Variants in ZSCAN1 observed in about 807,000 individuals in gnomAD.
ZSCAN1 encodes the protein zinc finger and SCAN domain containing 1, also known as zinc finger and SCAN domain-containing protein 1.
A neutral mutation model predicts 23.8 loss-of-function variants in ZSCAN1; 23 were observed. That is an observed-to-expected ratio of 0.97 (90% CI 0.70 to 1.37). ZSCAN1 has a LOEUF of 1.37. Among genes scored for constraint, ZSCAN1 ranks in the 40% most tolerant of loss-of-function variants. ZSCAN1 has a pLI of 0.00. For synonymous variants in ZSCAN1, 236 were observed against 232.3 expected (o/e 1.02, Z -0.15); for missense variants, 575 against 554.0 (o/e 1.04, Z -0.38).
intron 1 of ZSCAN1, among the ~76,000 whole-genome samples, chr19:58,034,551 C>G (rs571998469): frequency 1.2e-4 from 18 of 152,076 alleles, no homozygotes; most frequent in African/African-American, 4.1e-4. Flanking sequence ...CCTTCCACAC[C>G]TGATCAGCAT....
intron 5 of ZSCAN1, 84 bp downstream of exon 5, chr19:58,052,712 G>C (rs2073865854): frequency 1.3e-6 from 2 of 1,502,590 alleles, no homozygotes; most frequent in African/African-American, 1.4e-5. Flanking sequence ...TTAATGGGTT[G>C]AGTTGGGTGC....
At chr19:58,052,114 C>A (rs886662574) in intron 4 of ZSCAN1, among the ~76,000 whole-genome samples, 1 of 152,248 alleles carries the variant, frequency 6.6e-6, no homozygotes, top group African/African-American at 2.4e-5. Context: ...GCACAGGTCC[C>A]CTGGCTCCAT....
In ZSCAN1 at chr19:58,054,548, G is replaced by C. The variant is rs566008094; in HGVS notation, c.*497G>C. Reference sequence around the variant, plus strand: ...CCTTGGAACCTAACAGATAAACAGGGTTTTGTTTTTTTCCTTTTTTGGGTA... The same window carrying C: ...CCTTGGAACCTAACAGATAAACAGGCTTTTGTTTTTTTCCTTTTTTGGGTA... On this transcript the variant is annotated 3_prime_UTR_variant, in exon 6 of 6. Transcript: ENST00000282326. The surrounding 1 kb of genome is among the most constrained non-coding windows in gnomAD (Gnocchi z 4.2). 6.5e-6 allele frequency: 1 copy of C among 154,588 alleles called. No homozygotes were observed. Among genetic ancestry groups the C allele is most frequent in the Non-Finnish European group, 1.4e-5 (1 of 69,788 alleles). The allele number at this position is 154,588 out of a possible 1,614,324, so 9.6% of individuals were successfully genotyped here.
Position 58,037,745 on chromosome 19 carries a change from C to A in ZSCAN1, c.-92C>A, listed in dbSNP as rs982173237. 2.8e-6 allele frequency: 4 copies of A among 1,412,900 alleles called. No homozygotes were observed. In the African/African-American group the frequency reaches 5.8e-5, roughly 20 times the overall value. 87.5% of individuals were successfully genotyped at this position (1,412,900 alleles called of 1,614,324 possible). A position where few individuals can be genotyped will look rare whatever the true frequency, so the allele number is the denominator to read the frequency against. ...CTCTGCAGGCCCCTGATTGCTGATT[C>A]TGTCCGCCTGCCACACCGGCTCTGT... On this transcript the variant is annotated 5_prime_UTR_variant, in exon 3 of 6. In the 5' UTR this introduces an upstream ATG that the reference lacks. Transcript: ENST00000282326.
At chr19:58,034,801 C>T (rs557506553) in intron 1 of ZSCAN1, among the ~76,000 whole-genome samples, 96 of 148,816 alleles carry the variant, frequency 6.5e-4, no homozygotes, top group African/African-American at 2.3e-3. Context: ...GCTGCCCCTC[C>T]CCTGTATTCC....
At chr19:58,048,441 T>C (rs1410219676) in intron 4 of ZSCAN1, among the ~76,000 whole-genome samples, 1 of 152,156 alleles carries the variant, frequency 6.6e-6, no homozygotes, top group Non-Finnish European at 1.5e-5. Flanking sequence ...AGCCCAGGAG[T>C]TGGAGACCAG....
rs1568601078 is a variant in ZSCAN1 at position 58,037,815 on chromosome 19, GA to G, written c.-21del. ...GGATCCAGTCCACACACACCCCTCA[GA>G]GGGGCACTGTGGCCAGAGAAATGCT... On this transcript the variant is annotated 5_prime_UTR_variant, in exon 3 of 6. Coordinates refer to ENST00000282326, the MANE Select transcript of ZSCAN1 (RefSeq NM_182572.4). 1 of 1,459,172 alleles carries G rather than the reference GA, an allele frequency of 6.9e-7. No homozygotes were observed. Among genetic ancestry groups the G allele is most frequent in the East Asian group, 2.5e-5 (1 of 40,378 alleles). The allele number at this position is 1,459,172 out of a possible 1,614,324, so 90.4% of individuals were successfully genotyped here. A position where few individuals can be genotyped will look rare whatever the true frequency, so the allele number is the denominator to read the frequency against.
chr19:58,056,436 G>T (rs1458383558), downstream of ZSCAN1, among the ~76,000 whole-genome samples: 1 of 152,240 alleles, frequency 6.6e-6, no homozygotes, highest in Non-Finnish European at 1.5e-5. Flanking sequence ...GAAGGGATGA[G>T]TGACTCAATG....
intron 4 of ZSCAN1, among the ~76,000 whole-genome samples, chr19:58,043,634 G>A (rs1353590465): frequency 6.6e-6 from 1 of 150,420 alleles, no homozygotes; most frequent in Non-Finnish European, 1.5e-5. Flanking sequence ...TTATCTTACT[G>A]TAAGTTTTTG....
intron 4 of ZSCAN1, among the ~76,000 whole-genome samples, chr19:58,043,368 G>T (rs1265885006): frequency 6.6e-6 from 1 of 152,200 alleles, no homozygotes; most frequent in African/African-American, 2.4e-5. Context: ...GAATACTGTG[G>T]GCAACGGTAA....
In ZSCAN1 at chr19:58,053,513, C is replaced by T. The variant is rs1159206334; in HGVS notation, c.689C>T (p.Ala230Val). 5.0e-6 allele frequency: 8 copies of T among 1,614,136 alleles called. No homozygotes were observed. Among genetic ancestry groups the T allele is most frequent in the Non-Finnish European group, 6.8e-6 (8 of 1,180,036 alleles). ...GCAGGGCCCTCCTCAGACCTGCGGG[C>T]AGAAGGGACTGTGATCTCGAGCCCC... ...LLAGPSSDLR[A>V]EGTVISSPKG... Residue 230 changes from alanine to valine, a missense_variant, in exon 6 of 6, where the codon GCA (alanine) becomes GTA (valine). Coordinates refer to ENST00000282326, the MANE Select transcript of ZSCAN1 (RefSeq NM_182572.4). The surrounding 1 kb of genome is among the most constrained non-coding windows in gnomAD (Gnocchi z 5.8).
chr19:58,042,369 T>C (rs1337836946), intron 4 of ZSCAN1, among the ~76,000 whole-genome samples: 1 of 151,978 alleles, frequency 6.6e-6, no homozygotes, highest in Non-Finnish European at 1.5e-5. Flanking sequence ...GCCATTCTCC[T>C]GCCTCAGCCT....
chr19:58,041,457 C>T (rs2073789160), intron 4 of ZSCAN1, among the ~76,000 whole-genome samples: 1 of 152,228 alleles, frequency 6.6e-6, no homozygotes, highest in Admixed American at 6.5e-5. Context: ...CTGGGGGGAC[C>T]CCTTATCTCT....
rs139735694 is a variant in ZSCAN1, at chr19:58,053,580, C to A, written c.756C>A (p.Asn252Lys). 1 of 1,614,176 alleles carries A rather than the reference C, an allele frequency of 6.2e-7. No individual in the cohort carries two copies. Among genetic ancestry groups the A allele is most frequent in the Non-Finnish European group, 8.5e-7 (1 of 1,180,038 alleles). ...AGAGAATCAGTCCCCGAAGGAGAAA[C>A]AGGAACACTGACCAGAGCGGCCGCC... ...SAQRISPRRR[N>K]RNTDQSGRHQ... Residue 252 changes from asparagine (N) to lysine (K), a missense_variant, in exon 6 of 6, where the codon AAC (asparagine) becomes AAA (lysine). By Grantham distance (94) the Asn-to-Lys change is moderately conservative. Coordinates refer to ENST00000282326, the MANE Select transcript of ZSCAN1 (RefSeq NM_182572.4). The surrounding 1 kb of genome is among the most constrained non-coding windows in gnomAD (Gnocchi z 5.8).
Position 58,045,881 on chromosome 19 carries a change from C to G in ZSCAN1, c.465+5337C>G, listed in dbSNP as rs543599710. The G allele has an allele frequency of 6.4e-4, 644 of 1,010,298 alleles. 7 individuals are homozygous for G. The South Asian group carries it at 7.8e-3, about 12-fold the overall frequency. 62.6% of individuals were successfully genotyped at this position (1,010,298 alleles called of 1,614,324 possible). A position where few individuals can be genotyped will look rare whatever the true frequency, so the allele number is the denominator to read the frequency against. On this transcript the variant is annotated intron_variant, in intron 4 of 5. Transcript: ENST00000282326. The surrounding 1 kb of genome is among the most constrained non-coding windows in gnomAD (Gnocchi z 4.3). ...GACCAGCTCAAGTCCACACTGCAGA[C>G]TCTCCCAGAGATTGTGGCAAAGGAA...
chr19:58,051,415 C>A (rs184804478), intron 4 of ZSCAN1, among the ~76,000 whole-genome samples: 1 of 152,288 alleles, frequency 6.6e-6, no homozygotes, highest in East Asian at 1.9e-4. Flanking sequence ...ATACTCCCAA[C>A]GTGAGAGCAG....
At chr19:58,044,537 A>C in intron 4 of ZSCAN1, 1 of 473,096 alleles carries the variant, frequency 2.1e-6, no homozygotes, top group Non-Finnish European at 3.6e-6. Context: ...CGCCGCGGAG[A>C]AGGAGGAGGA....
chr19:58,043,730 A>C (rs2073805510), intron 4 of ZSCAN1, among the ~76,000 whole-genome samples: 1 of 151,972 alleles, frequency 6.6e-6, no homozygotes, highest in Non-Finnish European at 1.5e-5. Context: ...GCTCACCGCA[A>C]CCTCAACCTT....
At chr19:58,051,556 T>C (rs573713250) in intron 4 of ZSCAN1, among the ~76,000 whole-genome samples, 2 of 150,486 alleles carry the variant, frequency 1.3e-5, no homozygotes, top group East Asian at 2.0e-4. Context: ...ACAGCTTCCT[T>C]AGGCCCCTGT....
Sources: gnomAD v4.1 joint callset for allele counts (sites outside exome capture counted in the v4.1 genomes callset) on GRCh38, gnomAD v4.1.1 for gene constraint, Gnocchi (gnomAD v3.1) non-coding constraint, MANE v1.5 for transcripts, NCBI Gene and HGNC (gene_info 2026-07-23, HGNC 2026-07-21) for gene names.